MDGA1: variants seen among roughly 807,000 people sequenced by gnomAD.
MDGA1 encodes MAM domain-containing glycosylphosphatidylinositol anchor protein 1.
A neutral mutation model predicts 101.5 loss-of-function variants in MDGA1; 54 were observed. The ratio of observed to expected loss-of-function variants is 0.53; its 90% CI spans 0.43 to 0.67. MDGA1 has a LOEUF of 0.67. Ranked by LOEUF, MDGA1 falls within the 30% of genes least tolerant of loss-of-function variation. The pLI, the probability that MDGA1 is intolerant of heterozygous loss-of-function variation, is 0.00. For missense variants in MDGA1, 1,083 were observed against 1,323.8 expected, an observed-to-expected ratio of 0.82 and a Z score of 2.82; for synonymous variants, 533 against 558.3, an observed-to-expected ratio of 0.95 and a Z score of 0.64.
intron 10 of MDGA1, among the ~76,000 whole-genome samples, chr6:37,646,911 C>T (rs538122615): frequency 6.6e-6 from 1 of 152,176 alleles, no homozygotes; most frequent in Non-Finnish European, 1.5e-5. Flanking sequence ...GGCTCCCTCC[C>T]CCACGAACCC....
intron 14 of MDGA1, among the ~76,000 whole-genome samples, chr6:37,642,529 C>T (rs1581843791): frequency 6.6e-6 from 1 of 152,162 alleles, no homozygotes; most frequent in Non-Finnish European, 1.5e-5. Flanking sequence ...AAAATCTAGT[C>T]TATTAATCAC....
chr6:37,670,345 C>T (rs575572393), intron 1 of MDGA1, among the ~76,000 whole-genome samples: 43 of 152,278 alleles, frequency 2.8e-4, no homozygotes, highest in Admixed American at 9.2e-4. Context: ...AGACATTAAA[C>T]GGGTAGGGAT....
At chr6:37,679,081 A>G (rs1762040315) in intron 1 of MDGA1, among the ~76,000 whole-genome samples, 1 of 152,190 alleles carries the variant, frequency 6.6e-6, no homozygotes, top group Admixed American at 6.5e-5. Context: ...CTCCTGCTTA[A>G]GTAGTCTCTT....
At chr6:37,690,503 G>C (rs1762285933) in intron 1 of MDGA1, among the ~76,000 whole-genome samples, 2 of 152,194 alleles carry the variant, frequency 1.3e-5, no homozygotes, top group Admixed American at 6.5e-5. Context: ...TCCTGGCCAG[G>C]CACAGTGGCT....
At chr6:37,695,407 C>A (rs1418032567) in intron 1 of MDGA1, among the ~76,000 whole-genome samples, 2 of 152,228 alleles carry the variant, frequency 1.3e-5, no homozygotes, top group African/African-American at 4.8e-5. Flanking sequence ...CCTTTCCTGG[C>A]CTCTGTGAGG....
intron 1 of MDGA1, among the ~76,000 whole-genome samples, chr6:37,671,189 T>C (rs1761861861): frequency 6.6e-6 from 1 of 152,208 alleles, no homozygotes; most frequent in Non-Finnish European, 1.5e-5. Context: ...TCACTGTCAA[T>C]TAAGGATGCT....
chr6:37,663,752 C>G (rs1038613850), intron 2 of MDGA1, among the ~76,000 whole-genome samples: 5 of 152,238 alleles, frequency 3.3e-5, no homozygotes, highest in South Asian at 2.1e-4. Flanking sequence ...TTTTTCCCCT[C>G]AGCCGTCCAT....
rs746009314 is a variant in MDGA1 at position 37,652,108 on chromosome 6, C to A, written c.1215G>T (p.Leu405=). The change falls in exon 7 of 17, where the codon CTG becomes CTT. Residue 405 remains leucine, a synonymous_variant. Transcript: ENST00000434837. This position sits in a 1 kb window ranked among gnomAD's most constrained non-coding sequence, Gnocchi z 4.3. ...AVTSSLELID[L]HFSDYGTYLC... Reference sequence around the variant, plus strand: ...GGTAGGTGCCATAGTCACTGAAGTGCAGGTCAATGAGCTCTAGGCTGCTGG... The same window carrying A: ...GGTAGGTGCCATAGTCACTGAAGTGAAGGTCAATGAGCTCTAGGCTGCTGG... 2 of 1,613,790 alleles carry A rather than the reference C, an allele frequency of 1.2e-6. No homozygotes were observed. The highest frequency in any genetic ancestry group is 1.7e-6 in the Non-Finnish European group (2 of 1,179,892).
chr6:37,668,150 C>T (rs1046924285), intron 1 of MDGA1, among the ~76,000 whole-genome samples: 6 of 151,434 alleles, frequency 4.0e-5, no homozygotes, highest in African/African-American at 1.5e-4. Flanking sequence ...ATTCAGGAGG[C>T]TGAGGCAGGA....
chr6:37,648,772 G>A, intron 9 of MDGA1: 1 of 926,334 alleles, frequency 1.1e-6, no homozygotes, highest in Non-Finnish European at 1.5e-6. Context: ...GGGCGGGGCT[G>A]GGAGGCCCAG....
At position 37,649,006 on chromosome 6, in the gene MDGA1, C is replaced by A. The variant is rs544639607; in HGVS notation, c.1870G>T (p.Ala624Ser). ...CCGGAGACCTGGAAGAGGCAGGCAG[C>A]CGAGCCCACATCGTTGGAGACGCTG... The part of the protein sequence containing the change: ...ECSVSNDVGS[A>S]ACLFQVSAKA... Residue 624 changes from alanine to serine, a missense_variant, in exon 9 of 17, where the codon GCT becomes TCT. By Grantham distance (99) the Ala-to-Ser change is moderately conservative. Coordinates refer to ENST00000434837, the MANE Select transcript of MDGA1 (RefSeq NM_153487.4). 4.2e-5 allele frequency: 65 copies of A among 1,552,434 alleles called. No individual in the cohort carries two copies. The East Asian group carries it at 1.6e-3, about 38-fold the overall frequency.
intron 1 of MDGA1, among the ~76,000 whole-genome samples, chr6:37,683,866 A>C (rs1324275221): frequency 6.6e-6 from 1 of 152,208 alleles, no homozygotes; most frequent in Middle Eastern, 3.2e-3. Context: ...CTCAGAGTCT[A>C]CTTCTGGGGC....
rs1763952790 is a variant in MDGA1 at position 37,637,355 on chromosome 6, C to T, written c.*13G>A. 6.2e-7 allele frequency: 1 copy of T among 1,607,152 alleles called. No homozygotes were observed. The highest frequency in any genetic ancestry group is 1.1e-5 in the South Asian group (1 of 90,744). On this transcript the variant is annotated 3_prime_UTR_variant, in exon 17 of 17. Coordinates refer to ENST00000434837, the MANE Select transcript of MDGA1 (RefSeq NM_153487.4). The stretch of plus-strand genomic sequence containing the variant: ...CCGGGGGCAAGGTTGGGGGGGTGGC[C>T]ACACAGCTCTCATCATCTCTGCAAC...
chr6:37,692,639 G>A (rs1193888990), intron 1 of MDGA1, among the ~76,000 whole-genome samples: 1 of 152,026 alleles, frequency 6.6e-6, no homozygotes, highest in African/African-American at 2.4e-5. Context: ...GGCCTTGGCG[G>A]CTGTGATTAG....
rs1375126718 is a variant in MDGA1, at chr6:37,697,027, G to A, written c.-216C>T. 3 of 525,642 alleles carry A rather than the reference G, an allele frequency of 5.7e-6. No individual in the cohort carries two copies. The highest frequency in any genetic ancestry group is 1.0e-5 in the Non-Finnish European group (3 of 298,474). 32.6% of individuals were successfully genotyped at this position (525,642 alleles called of 1,614,324 possible). ...CGCTGCCCGCGTGGGGACGCAGGGG[G>A]CGCTGGCCCAGCCCCGGGTGCCTCG... On this transcript the variant is annotated 5_prime_UTR_variant, in exon 1 of 17. Coordinates refer to ENST00000434837, the MANE Select transcript of MDGA1 (RefSeq NM_153487.4).
At chr6:37,649,296 C>T (rs1461429761) in intron 8 of MDGA1, 30 bp from the exon 9 acceptor site, 2 of 1,455,294 alleles carry the variant, frequency 1.4e-6, no homozygotes, top group Non-Finnish European at 1.8e-6. Context: ...TCAGCGGGGC[C>T]TCTCCCCAGC....
intron 1 of MDGA1, among the ~76,000 whole-genome samples, chr6:37,666,379 A>G (rs1312256650): frequency 6.6e-6 from 1 of 151,692 alleles, no homozygotes; most frequent in Non-Finnish European, 1.5e-5. Flanking sequence ...AAAAAAGAAA[A>G]GAAAAAAAAA....
chr6:37,675,801 C>T (rs760256941), intron 1 of MDGA1, among the ~76,000 whole-genome samples: 2 of 152,180 alleles, frequency 1.3e-5, no homozygotes, highest in African/African-American at 4.8e-5. Flanking sequence ...CTAGCCCCAC[C>T]AAGCTCTGCT....
In MDGA1 at chr6:37,650,052, C is replaced by T. The variant is rs1156533242; in HGVS notation, c.1609+57G>A. 9.4e-6 allele frequency: 15 copies of T among 1,604,050 alleles called. 1 individual carries two copies. The Middle Eastern group carries it at 6.6e-4, about 71-fold the overall frequency. ...GTGAGAGGATGAAGAGGGGACAGGC[C>T]GGCTGGGAGCCAGAAGGAAAGCTGG... On this transcript the variant is annotated intron_variant, in intron 8 of 16. Transcript: ENST00000434837.
Sources: gnomAD v4.1 joint callset for allele counts (sites outside exome capture counted in the v4.1 genomes callset) on GRCh38, gnomAD v4.1.1 for gene constraint, Gnocchi (gnomAD v3.1) non-coding constraint, MANE v1.5 for transcripts, NCBI Gene and HGNC (gene_info 2026-07-23, HGNC 2026-07-21) for gene names.